TMEM63A: variants seen among roughly 807,000 people sequenced by gnomAD.
TMEM63A encodes the protein transmembrane protein 63A, also known as mechanosensitive cation channel TMEM63A.
TMEM63A carries 76 observed loss-of-function variants against 100.6 expected under a neutral mutation model. The ratio of observed to expected loss-of-function variants is 0.76; its 90% CI spans 0.63 to 0.91. TMEM63A has a LOEUF of 0.91. TMEM63A is among the 40% of genes least tolerant of loss of function. TMEM63A has a pLI of 0.00. For synonymous variants in TMEM63A, 401 were observed against 401.1 expected (o/e 1.00, Z 0.00); for missense variants, 876 against 1,008.8 (o/e 0.87, Z 1.78).
intron 21 of TMEM63A, among the ~76,000 whole-genome samples, chr1:225,849,447 G>A (rs1015052622): frequency 6.6e-6 from 1 of 152,180 alleles, no homozygotes; most frequent in South Asian, 2.1e-4. Flanking sequence ...CATGCCAGGA[G>A]GTACAAGGAG....
intron 15 of TMEM63A, among the ~76,000 whole-genome samples, chr1:225,858,925 A>G (rs1186052100): frequency 6.7e-6 from 1 of 149,148 alleles, no homozygotes; most frequent in East Asian, 2.0e-4. Flanking sequence ...ATATGTATGC[A>G]TGTGTGTGTA....
intron 4 of TMEM63A, 111 bp from the exon 5 acceptor site, chr1:225,872,164 C>T (rs1670540918): frequency 2.7e-6 from 2 of 729,040 alleles, no homozygotes; most frequent in African/African-American, 1.8e-5. Context: ...AGCTCAGAAC[C>T]AAAGCTACCA....
intron 21 of TMEM63A, 120 bp from the exon 22 acceptor site, chr1:225,849,132 G>A (rs1386566577): frequency 1.5e-5 from 11 of 746,730 alleles, no homozygotes; most frequent in Non-Finnish European, 2.2e-5. Context: ...CCCTCAGGCA[G>A]AAAATAAAGG....
At chr1:225,868,406 T>C (rs1317691160) in intron 6 of TMEM63A, among the ~76,000 whole-genome samples, 1 of 152,000 alleles carries the variant, frequency 6.6e-6, no homozygotes, top group Non-Finnish European at 1.5e-5. Flanking sequence ...CTGGGCGCAG[T>C]GGCTCACACC....
rs749413145 is a variant in TMEM63A at position 225,862,343 on chromosome 1, G to A, written c.960C>T (p.Ala320=). The A allele has an allele frequency of 6.8e-6, 11 of 1,614,200 alleles. No homozygotes were observed. Among genetic ancestry groups the A allele is most frequent in the Middle Eastern group, 1.6e-4 (1 of 6,062 alleles). The part of the protein sequence containing the change: ...CEVLGCEWED[A]ISYYTRMKDR... ...CCTTCATCCGTGTGTAGTAAGAGATGGCGTCTTCCTGCCACAAGACACATC... is the reference window on the plus strand; with the variant it reads ...CCTTCATCCGTGTGTAGTAAGAGATAGCGTCTTCCTGCCACAAGACACATC... Residue 320 remains alanine (A), a synonymous_variant, in exon 13 of 25, where the codon GCC becomes GCT. Transcript: ENST00000366835. This position sits in a 1 kb window ranked among gnomAD's most constrained non-coding sequence, Gnocchi z 5.1.
intron 6 of TMEM63A, among the ~76,000 whole-genome samples, chr1:225,870,734 T>C (rs377435025): frequency 1.2e-3 from 181 of 152,356 alleles, no homozygotes; most frequent in African/African-American, 4.2e-3. Context: ...GAGATGAACA[T>C]ATGATTTCCA....
intron 6 of TMEM63A, among the ~76,000 whole-genome samples, chr1:225,870,011 T>C (rs1482696828): frequency 6.6e-6 from 1 of 152,080 alleles, no homozygotes; most frequent in Non-Finnish European, 1.5e-5. Context: ...TAGTTGATGG[T>C]AGCTTAGCTG....
At chr1:225,858,322 T>TG (rs1559039960) in intron 15 of TMEM63A, among the ~76,000 whole-genome samples, 1 of 144,116 alleles carries the variant, frequency 6.9e-6, no homozygotes, top group African/African-American at 2.6e-5. Context: ...TAGTTTGTTT[T>TG]TTTTTTTTTT....
chr1:225,869,669 T>TTC (rs796211870), intron 6 of TMEM63A, among the ~76,000 whole-genome samples: 2 of 135,754 alleles, frequency 1.5e-5, no homozygotes, highest in African/African-American at 5.6e-5. Flanking sequence ...TTCTTTTCTT[T>TTC]TTTTTTTTTT....
intron 6 of TMEM63A, 103 bp downstream of exon 6, chr1:225,870,973 A>T: frequency 1.6e-6 from 2 of 1,214,578 alleles, no homozygotes; most frequent in Non-Finnish European, 1.2e-6. Context: ...TCTAAGAGAC[A>T]CCATCTTAAG....
intron 2 of TMEM63A, among the ~76,000 whole-genome samples, chr1:225,878,688 G>A (rs1670934314): frequency 6.6e-6 from 1 of 152,162 alleles, no homozygotes; most frequent in Non-Finnish European, 1.5e-5. Context: ...AGAATTCCCA[G>A]GGGATTTTTC....
rs1243612828 is a variant in TMEM63A at position 225,867,054 on chromosome 1, A to G, written c.566+58T>C. ...ACCTCTGGCCTGCCCCGGGCTCCTGACCTGCCTTCTCCTTGATCTCACCCA... is the reference window on the plus strand; with the variant it reads ...ACCTCTGGCCTGCCCCGGGCTCCTGGCCTGCCTTCTCCTTGATCTCACCCA... On this transcript the variant is annotated intron_variant, in intron 8 of 24. Transcript: ENST00000366835. This position sits in a 1 kb window ranked among gnomAD's most constrained non-coding sequence, Gnocchi z 4.6. 2 of 1,596,958 alleles carry G rather than the reference A, an allele frequency of 1.3e-6. No individual in the cohort carries two copies.
chr1:225,858,969 TGTG>T lies in TMEM63A; in HGVS notation c.1377+224_1377+226del, dbSNP rs1189307635. On this transcript the variant is annotated intron_variant, in intron 15 of 24. Transcript: ENST00000366835. ...TATAATGTGTGTGTGTGTGTGTGTG[TGTG>T]TGTGTGTGTGTGTGTGTGTGTGTGT... Among the ~76,000 whole-genome samples, 12 of 151,182 alleles carry T rather than the reference TGTG, an allele frequency of 7.9e-5. No homozygotes were observed. The East Asian group carries it at 1.9e-3, about 25-fold the overall frequency.
chr1:225,855,824 T>A, intron 18 of TMEM63A, 54 bp downstream of exon 18: 1 of 1,546,252 alleles, frequency 6.5e-7, no homozygotes, highest in Non-Finnish European at 8.9e-7. Flanking sequence ...CCCCAGCCCC[T>A]GTGGGACTTT....
intron 5 of TMEM63A, chr1:225,871,579 T>C (rs1252442550): frequency 4.5e-6 from 1 of 220,390 alleles, no homozygotes; most frequent in Non-Finnish European, 9.0e-6. Flanking sequence ...GAAAGACAAA[T>C]ATTTGTTCAA....
chr1:225,854,767 G>A (rs183451777), intron 18 of TMEM63A, among the ~76,000 whole-genome samples: 37 of 152,312 alleles, frequency 2.4e-4, no homozygotes, highest in Admixed American at 7.2e-4. Context: ...CATGGAAGCC[G>A]TGGGTTCAGC....
rs756941718 is a variant in TMEM63A at position 225,847,050 on chromosome 1, TG to T, written c.2413del (p.Gln805ArgfsTer25). ...GCAGCTCACCCAGCCTCAGGCCTCC[TG>T]GGGGGCAGCAGCCACACTGCCCGTG... ...SATGSVAAAP[Q>X]EA On this transcript the variant is annotated frameshift_variant, in exon 24 of 25. Transcript: ENST00000366835. LOFTEE classifies it high-confidence loss of function. 8.7e-6 allele frequency: 14 copies of T among 1,611,022 alleles called. No individual in the cohort carries two copies. Among genetic ancestry groups the T allele is most frequent in the South Asian group, 6.6e-5 (6 of 90,886 alleles).
At chr1:225,854,616 T>G (rs1239793753) in intron 18 of TMEM63A, among the ~76,000 whole-genome samples, 9 of 152,210 alleles carry the variant, frequency 5.9e-5, no homozygotes, top group Admixed American at 5.9e-4. Flanking sequence ...AGTTTGGTTT[T>G]GGGCAGGTAA....
In TMEM63A at chr1:225,865,988, G is replaced by A; in HGVS notation, c.676-21C>T. On this transcript the variant is annotated intron_variant, in intron 9 of 24. Coordinates refer to ENST00000366835, the MANE Select transcript of TMEM63A (RefSeq NM_014698.3). The surrounding 1 kb of genome is among the most constrained non-coding windows in gnomAD (Gnocchi z 4.6). ...CTCACCTGTCCGGGAAATACAGCAG[G>A]GAGAGAAGTCACCCACAAGCCAGTG... 6.2e-7 allele frequency: 1 copy of A among 1,612,866 alleles called. No individual in the cohort carries two copies. The highest frequency in any genetic ancestry group is 8.5e-7 in the Non-Finnish European group (1 of 1,179,326).
Sources: allele counts gnomAD v4.1 joint callset (sites outside exome capture counted in the v4.1 genomes callset), GRCh38; gene constraint gnomAD v4.1.1; non-coding constraint Gnocchi (gnomAD v3.1); transcripts MANE v1.5; gene names NCBI Gene and HGNC (gene_info 2026-07-23, HGNC 2026-07-21).